DCAF8L2: variants seen among roughly 807,000 people sequenced by gnomAD.
DCAF8L2 encodes the protein DDB1 and CUL4 associated factor 8 like 2.
For synonymous variants in DCAF8L2, 200 were observed against 190.9 expected, an observed-to-expected ratio of 1.05 and a Z score of -0.39; for missense variants, 430 against 490.7, an observed-to-expected ratio of 0.88 and a Z score of 1.17.
At chrX:27,561,755 A>G in the DCAF8L2 span, among the ~76,000 whole-genome samples, 27 of 111,809 alleles carry the variant, frequency 2.4e-4, no homozygotes, top group South Asian at 7.5e-4. Context: ...AGTACTTCAT[A>G]TATTTTTATT....
chrX:27,641,163 T>C (rs2147185483), intron 2 of DCAF8L2, among the ~76,000 whole-genome samples: 1 of 112,008 alleles, frequency 8.9e-6, no homozygotes, highest in African/African-American at 3.2e-5. Flanking sequence ...ACTCACATAC[T>C]TACCATTTCT....
chrX:27,748,419 A>C lies in DCAF8L2; in HGVS notation c.1524A>C (p.Leu508=). The change falls in exon 5 of 5, where the codon CTA becomes CTC. Residue 508 remains leucine (L), a synonymous_variant. Transcript: ENST00000451261. ...CATCCTGCCAAATCATCCAGTTCCT[A>C]AAGGGGAGCAGAGAAGGTACAATAA... ...EKSSCQIIQF[L]KGSREGTINC... is the part of the protein sequence containing the mutation. 1 of 1,203,821 alleles carries C rather than the reference A, an allele frequency of 8.3e-7. No homozygotes were observed. The highest frequency in any genetic ancestry group is 1.8e-5 in the South Asian group (1 of 55,874).
chrX:27,706,104 A>G (rs1239137690), intron 3 of DCAF8L2, among the ~76,000 whole-genome samples: 2 of 110,976 alleles, frequency 1.8e-5, no homozygotes, highest in Non-Finnish European at 3.8e-5. Flanking sequence ...AGATGCTTGT[A>G]GGTGTGCAGC....
chrX:27,617,748 T>A (rs763155520), intron 1 of DCAF8L2, among the ~76,000 whole-genome samples: 2 of 111,599 alleles, frequency 1.8e-5, no homozygotes, highest in South Asian at 7.4e-4. Flanking sequence ...TTATTAGATA[T>A]TTTTTATTTA....
Position 27,748,357 on chromosome X carries a change from G to A in DCAF8L2, c.1462G>A (p.Gly488Ser), listed in dbSNP as rs375048390. ...YGPRSEFVVS[G>S]SDCGHIFFWE... ...CCCCAGGAGTGAGTTTGTAGTGAGC[G>A]GTAGTGATTGCGGGCACATCTTCTT... Residue 488 changes from glycine (G) to serine (S), a missense_variant, in exon 5 of 5, where the codon GGT (glycine) becomes AGT (serine). Gly to Ser is a moderately conservative substitution (Grantham distance 56). Transcript: ENST00000451261. 23 of 1,204,450 alleles carry A rather than the reference G, an allele frequency of 1.9e-5. No homozygotes were observed. The African/African-American group carries it at 1.9e-4, about 10-fold the overall frequency.
At chrX:27,673,372 G>A (rs1043777777) in intron 2 of DCAF8L2, among the ~76,000 whole-genome samples, 2 of 107,655 alleles carry the variant, frequency 1.9e-5, no homozygotes, top group African/African-American at 6.8e-5. Context: ...GCCGGGCGTG[G>A]TGGCAGTTGC....
At chrX:27,678,213 G>T (rs1231523006) in intron 3 of DCAF8L2, among the ~76,000 whole-genome samples, 1 of 111,355 alleles carries the variant, frequency 9.0e-6, no homozygotes, top group Non-Finnish European at 1.9e-5. Flanking sequence ...TTATTTTGAA[G>T]TGTCTATGTC....
At chrX:27,639,198 A>C (rs1336245572) in intron 2 of DCAF8L2, among the ~76,000 whole-genome samples, 1 of 111,924 alleles carries the variant, frequency 8.9e-6, no homozygotes, top group Admixed American at 9.6e-5. Flanking sequence ...AAAGACAAAC[A>C]TTGCATGTTG....
chrX:27,591,977 T>C (rs1926110696), intron 1 of DCAF8L2, among the ~76,000 whole-genome samples: 1 of 112,750 alleles, frequency 8.9e-6, no homozygotes, highest in African/African-American at 3.2e-5. Context: ...CATCCTGCCA[T>C]CGCTGCTTTT....
chrX:27,525,643 G>T, the DCAF8L2 span, among the ~76,000 whole-genome samples: 3 of 111,556 alleles, frequency 2.7e-5, no homozygotes, highest in African/African-American at 9.8e-5. Flanking sequence ...TTACAATTTG[G>T]CATGCTTTTG....
chrX:27,742,994 T>C (rs1382569949), intron 4 of DCAF8L2, among the ~76,000 whole-genome samples: 6 of 112,456 alleles, frequency 5.3e-5, no homozygotes. Context: ...CCCTTCTACC[T>C]TTTGGCTTAT....
At chrX:27,728,316 CTTGTTG>C (rs60828124) in intron 4 of DCAF8L2, among the ~76,000 whole-genome samples, 5 of 109,734 alleles carry the variant, frequency 4.6e-5, no homozygotes, top group Non-Finnish European at 7.6e-5. Context: ...AATTCAATGT[CTTGTTG>C]TTGTTGTTGT....
At chrX:27,576,665 A>G in the DCAF8L2 span, among the ~76,000 whole-genome samples, 2 of 112,179 alleles carry the variant, frequency 1.8e-5, no homozygotes, top group Non-Finnish European at 3.8e-5. Flanking sequence ...AAGCCAGTGC[A>G]AAAATATAGA....
intron 3 of DCAF8L2, among the ~76,000 whole-genome samples, chrX:27,710,269 G>T (rs1367165357): frequency 1.8e-5 from 2 of 110,863 alleles, no homozygotes; most frequent in East Asian, 2.8e-4. Flanking sequence ...AGGCATTCTT[G>T]GTCTTTTCAA....
chrX:27,472,632 A>T, the DCAF8L2 span, among the ~76,000 whole-genome samples: 2 of 111,429 alleles, frequency 1.8e-5, no homozygotes, highest in African/African-American at 6.5e-5. Context: ...TATGAGTGAG[A>T]ACATGCGGTG....
At chrX:27,534,757 T>A in the DCAF8L2 span, among the ~76,000 whole-genome samples, 1 of 111,953 alleles carries the variant, frequency 8.9e-6, no homozygotes, top group African/African-American at 3.2e-5. Flanking sequence ...AATAATAACA[T>A]CTAGTTCTGT....
chrX:27,726,128 G>A (rs1932062478), intron 4 of DCAF8L2, among the ~76,000 whole-genome samples: 2 of 111,180 alleles, frequency 1.8e-5, no homozygotes, highest in East Asian at 2.8e-4. Flanking sequence ...TCAGGTTTCC[G>A]TGCCCTTCAG....
chrX:27,547,847 C>CTCTCTCTCTCTCTCTCTCTCTCTT, the DCAF8L2 span, among the ~76,000 whole-genome samples: 9 of 37,686 alleles, frequency 2.4e-4, no homozygotes, highest in Admixed American at 5.7e-4. Context: ...CTCTCTCTTT[C>CTCTCTCTCTCTCTCTCTCTCTCTT]TCTCTCTCTC....
the DCAF8L2 span, among the ~76,000 whole-genome samples, chrX:27,558,190 T>C: frequency 9.0e-6 from 1 of 111,201 alleles, no homozygotes; most frequent in Admixed American, 9.6e-5. Flanking sequence ...CACAAGGGGG[T>C]ACCAAGAAGT....
Sources: allele counts gnomAD v4.1 joint callset (sites outside exome capture counted in the v4.1 genomes callset), GRCh38; gene constraint gnomAD v4.1.1; transcripts MANE v1.5; gene names NCBI Gene and HGNC (gene_info 2026-07-23, HGNC 2026-07-21).